The following ARHGEF37 variants were observed in gnomAD, a reference collection of about 807,000 sequenced individuals.
ARHGEF37 encodes Rho guanine nucleotide exchange factor (GEF) 37.
Under a neutral mutation model 71.1 loss-of-function variants are expected in ARHGEF37, and 55 were observed. That is an observed-to-expected ratio of 0.77 (90% confidence interval 0.62 to 0.97). The LOEUF is 0.97. Among genes scored for constraint, ARHGEF37 ranks in the 50% least tolerant of loss-of-function variants. ARHGEF37 has a pLI of 0.00. For synonymous variants in ARHGEF37, 327 were observed against 350.6 expected, an observed-to-expected ratio of 0.93 and a Z score of 0.75; for missense variants, 765 against 836.8, an observed-to-expected ratio of 0.91 and a Z score of 1.06.
At chr5:149,612,402 C>T (rs1349334909) in intron 4 of ARHGEF37, among the ~76,000 whole-genome samples, 1 of 152,140 alleles carries the variant, frequency 6.6e-6, no homozygotes, top group Non-Finnish European at 1.5e-5. Context: ...CTCCTGACCT[C>T]GTGATCCGCC....
chr5:149,571,534 CA>C (rs1034556391), intron 1 of ARHGEF37, among the ~76,000 whole-genome samples: 4 of 151,942 alleles, frequency 2.6e-5, no homozygotes, highest in Non-Finnish European at 5.9e-5. Context: ...TTGGAAGACT[CA>C]AAAAAGTGTT....
At chr5:149,561,331 T>C (rs1016680413) in intron 1 of ARHGEF37, among the ~76,000 whole-genome samples, 3 of 136,996 alleles carry the variant, frequency 2.2e-5, no homozygotes, top group African/African-American at 8.3e-5. Flanking sequence ...TAGCTTTCCC[T>C]GGGGGTGGGG....
chr5:149,573,459 T>C (rs779553583), intron 1 of ARHGEF37, among the ~76,000 whole-genome samples: 88 of 152,358 alleles, frequency 5.8e-4, no homozygotes, highest in Admixed American at 1.3e-3. Context: ...TGCTAAAATG[T>C]TCTCTCCATA....
upstream of ARHGEF37, chr5:149,551,812 A>AACCTTTGATCTTTCT (rs1762673314): frequency 6.6e-6 from 1 of 151,854 alleles, no homozygotes; most frequent in Middle Eastern, 3.4e-3. Context: ...GGCGGTTTTT[A>AACCTTTGATCTTTCT]ACCTTTGATC....
intron 10 of ARHGEF37, 65 bp from the exon 11 acceptor site, chr5:149,627,011 T>G: frequency 1.3e-6 from 2 of 1,501,518 alleles, no homozygotes; most frequent in Non-Finnish European, 9.1e-7. Context: ...TGTGAGCAAA[T>G]GTTGGTGCCA....
chr5:149,581,289 A>G (rs957130463), upstream of ARHGEF37, among the ~76,000 whole-genome samples: 1 of 152,230 alleles, frequency 6.6e-6, no homozygotes, highest in South Asian at 2.1e-4. Context: ...GGGTGCCGGC[A>G]CGTCGCTAAA....
chr5:149,622,038 G>T lies in ARHGEF37; in HGVS notation c.1311G>T (p.Gln437His), dbSNP rs1458961316. 1.2e-6 allele frequency: 2 copies of T among 1,612,214 alleles called. No individual in the cohort carries two copies. Among genetic ancestry groups the T allele is most frequent in the South Asian group, 2.2e-5 (2 of 90,912 alleles). Reference protein sequence around the residue: ...LQRDLAKQVLQRAEGSMAQLP... With the variant: ...LQRDLAKQVLHRAEGSMAQLP... Reference sequence around the variant, plus strand: ...GGGACCTTGCAAAGCAAGTGCTGCAGAGGGCAGAGGGAAGCATGGCCCAGG... The same window carrying T: ...GGGACCTTGCAAAGCAAGTGCTGCATAGGGCAGAGGGAAGCATGGCCCAGG... The change falls in exon 9 of 13, where the codon CAG (glutamine) becomes CAT (histidine). Residue 437 changes from glutamine to histidine, a missense_variant. Around this residue, in one of 5 missense-constraint regions of ARHGEF37, gnomAD observed 390 missense variants for 407.4 expected, o/e 0.96. Coordinates refer to ENST00000333677, the MANE Select transcript of ARHGEF37 (RefSeq NM_001001669.3).
intron 1 of ARHGEF37, among the ~76,000 whole-genome samples, chr5:149,563,073 C>T (rs72823574): frequency 0.044 from 6,722 of 152,256 alleles, 217 homozygotes; most frequent in Non-Finnish European, 0.074. Context: ...GTGTCTGAAT[C>T]TCAAACCCAG....
At chr5:149,618,804 G>T in intron 6 of ARHGEF37, 134 bp from the exon 7 acceptor site, 1 of 727,842 alleles carries the variant, frequency 1.4e-6, no homozygotes, top group Non-Finnish European at 2.5e-6. Context: ...CACCCTCTCA[G>T]CTTTGGGGTT....
intron 10 of ARHGEF37, among the ~76,000 whole-genome samples, chr5:149,626,394 C>T (rs1234678098): frequency 1.3e-5 from 2 of 152,190 alleles, no homozygotes; most frequent in Non-Finnish European, 2.9e-5. Context: ...TGATACTCTT[C>T]TGGAAGCAGT....
Position 149,609,617 on chromosome 5 carries a change from A to G in ARHGEF37, c.380A>G (p.Gln127Arg). The G allele has an allele frequency of 6.2e-7, 1 of 1,613,724 alleles. No homozygotes were observed. The highest frequency in any genetic ancestry group is 8.5e-7 in the Non-Finnish European group (1 of 1,180,044). ...AAGGTCTACTGTGCCAGCTACGACCAGGCCTTGCTACTGGTGGACACGTAC... is the reference window on the plus strand; with the variant it reads ...AAGGTCTACTGTGCCAGCTACGACCGGGCCTTGCTACTGGTGGACACGTAC... Reference protein sequence around the residue: ...VYKVYCASYDQALLLVDTYRK... With the variant: ...VYKVYCASYDRALLLVDTYRK... Residue 127 changes from glutamine (Q) to arginine (R), a missense_variant, in exon 4 of 13, where the codon CAG becomes CGG. Physicochemically the swap from Gln to Arg is conservative, Grantham distance 43. Around this residue, in one of 5 missense-constraint regions of ARHGEF37, gnomAD observed 201 missense variants for 217.5 expected, o/e 0.92. Coordinates refer to ENST00000333677, the MANE Select transcript of ARHGEF37 (RefSeq NM_001001669.3).
At chr5:149,605,226 C>CAA (rs142296894) in intron 3 of ARHGEF37, among the ~76,000 whole-genome samples, 5 of 114,778 alleles carry the variant, frequency 4.4e-5, no homozygotes, top group African/African-American at 1.3e-4. Context: ...GACTGCATCT[C>CAA]AAAAAAAAAA....
At chr5:149,621,373 G>C (rs1357154729) in intron 8 of ARHGEF37, among the ~76,000 whole-genome samples, 3 of 152,120 alleles carry the variant, frequency 2.0e-5, no homozygotes, top group Admixed American at 2.0e-4. Flanking sequence ...CTGACAGGTA[G>C]GCTGCGGTGA....
chr5:149,557,373 G>A (rs149498007), intron 1 of ARHGEF37, among the ~76,000 whole-genome samples: 11 of 152,338 alleles, frequency 7.2e-5, no homozygotes, highest in African/African-American at 2.4e-4. Flanking sequence ...GTTACACAAG[G>A]AACATAGATA....
At chr5:149,623,979 C>T (rs1477134355) in intron 9 of ARHGEF37, 33 bp from the exon 10 acceptor site, 2 of 1,570,130 alleles carry the variant, frequency 1.3e-6, no homozygotes, top group South Asian at 1.1e-5. Context: ...CCCCTCTTGC[C>T]CAGCTCTGTT....
At chr5:149,603,734 G>A (rs529163399) in intron 3 of ARHGEF37, among the ~76,000 whole-genome samples, 4 of 152,190 alleles carry the variant, frequency 2.6e-5, no homozygotes, top group Non-Finnish European at 4.4e-5. Flanking sequence ...TCAAGAGTTC[G>A]AGATCACCCA....
At chr5:149,628,474 G>A (rs1480691369) in intron 11 of ARHGEF37, among the ~76,000 whole-genome samples, 1 of 152,304 alleles carries the variant, frequency 6.6e-6, no homozygotes, top group Non-Finnish European at 1.5e-5. Flanking sequence ...AGCAGCTCTT[G>A]CTCTGGGCAG....
In ARHGEF37 at chr5:149,632,505, C is replaced by G. The variant is rs1287993889; in HGVS notation, c.*314C>G. The G allele has an allele frequency of 3.0e-6, 1 of 332,368 alleles. No individual in the cohort carries two copies. Among genetic ancestry groups the G allele is most frequent in the Non-Finnish European group, 5.7e-6 (1 of 175,388 alleles). The allele number at this position is 332,368 out of a possible 1,614,324, so 20.6% of individuals were successfully genotyped here. Reference sequence around the variant, plus strand: ...GGACTCTCCATAGGTTATGGCCAGTCTTAGCTGTGCCTGCATCCGGGCCTG... The same window carrying G: ...GGACTCTCCATAGGTTATGGCCAGTGTTAGCTGTGCCTGCATCCGGGCCTG... On this transcript the variant is annotated 3_prime_UTR_variant, in exon 13 of 13. Coordinates refer to ENST00000333677, the MANE Select transcript of ARHGEF37 (RefSeq NM_001001669.3).
At chr5:149,564,792 C>G (rs1762880069) in intron 1 of ARHGEF37, among the ~76,000 whole-genome samples, 1 of 152,204 alleles carries the variant, frequency 6.6e-6, no homozygotes, top group African/African-American at 2.4e-5. Flanking sequence ...CCATTGCACT[C>G]CAGCCTGGGC....
Sources: gnomAD v4.1 joint callset for allele counts (sites outside exome capture counted in the v4.1 genomes callset) on GRCh38, gnomAD v4.1.1 for gene constraint, gnomAD v4.1.1 regional missense constraint, MANE v1.5 for transcripts, NCBI Gene and HGNC (gene_info 2026-07-23, HGNC 2026-07-21) for gene names.